The following RBM34 variants were observed in gnomAD, a reference collection of about 807,000 sequenced individuals.
The protein encoded by RBM34 is RNA binding motif protein 34, also known as RNA-binding protein 34.
Under a neutral mutation model 44.6 loss-of-function variants are expected in RBM34, and 39 were observed. The observed-to-expected ratio is 0.87, with a 90% CI of 0.68 to 1.14. RBM34 has a LOEUF of 1.14. Among genes scored for constraint, RBM34 ranks in the 50% most tolerant of loss-of-function variants. The pLI is 0.00. For missense variants in RBM34, 572 were observed against 517.9 expected (o/e 1.10, Z -1.01); for synonymous variants, 194 against 184.0 (o/e 1.05, Z -0.44).
At chr1:235,148,250 C>T (rs1661993501) in intron 6 of RBM34, among the ~76,000 whole-genome samples, 154 bp downstream of exon 6, 1 of 152,092 alleles carries the variant, frequency 6.6e-6, no homozygotes, top group Non-Finnish European at 1.5e-5. Context: ...CGTGACAAAT[C>T]TAAAGGCTCT....
chr1:235,158,520 A>G (rs1284926314), intron 3 of RBM34, among the ~76,000 whole-genome samples: 1 of 151,692 alleles, frequency 6.6e-6, no homozygotes, highest in Non-Finnish European at 1.5e-5. Flanking sequence ...TATGTGGTAC[A>G]CACAGCACCC....
chr1:235,159,020 C>A (rs1662573243), intron 3 of RBM34, among the ~76,000 whole-genome samples: 1 of 151,006 alleles, frequency 6.6e-6, no homozygotes, highest in Non-Finnish European at 1.5e-5. Context: ...TGCGACCAGC[C>A]TGGGCAACAT....
At chr1:235,150,295 G>C (rs892193762) in intron 5 of RBM34, among the ~76,000 whole-genome samples, 1 of 152,096 alleles carries the variant, frequency 6.6e-6, no homozygotes. Context: ...GGCTGGTCTC[G>C]AACTTCTGAA....
At chr1:235,134,813 C>T (rs568425478) in intron 10 of RBM34, among the ~76,000 whole-genome samples, 1 of 150,480 alleles carries the variant, frequency 6.6e-6, no homozygotes, top group Non-Finnish European at 1.5e-5. Context: ...GGAGCAATCT[C>T]GGCTCACCGC....
At chr1:235,135,537 T>A in intron 10 of RBM34, 115 bp downstream of exon 10, 1 of 965,890 alleles carries the variant, frequency 1.0e-6, no homozygotes, top group Non-Finnish European at 1.6e-6. Flanking sequence ...CCCAGTTTTC[T>A]TAAGATGGAA....
intron 6 of RBM34, among the ~76,000 whole-genome samples, chr1:235,143,050 C>T (rs1661752386): frequency 6.6e-6 from 1 of 151,712 alleles, no homozygotes; most frequent in African/African-American, 2.4e-5. Context: ...TCCTTACAAC[C>T]ATATAAAAAT....
chr1:235,142,429 C>T (rs1661726919), intron 6 of RBM34, among the ~76,000 whole-genome samples: 1 of 151,992 alleles, frequency 6.6e-6, no homozygotes, highest in Admixed American at 6.6e-5. Context: ...CAGGCGCACG[C>T]CACCACTCCT....
intron 6 of RBM34, among the ~76,000 whole-genome samples, chr1:235,147,899 A>G (rs1212580069): frequency 6.6e-6 from 1 of 152,226 alleles, no homozygotes; most frequent in Admixed American, 6.5e-5. Flanking sequence ...GGAAGGGCGA[A>G]CAAGGAGACT....
At position 235,160,893 on chromosome 1, in the gene RBM34, T is replaced by C. The variant is rs923116138; in HGVS notation, c.228A>G (p.Lys76=). Residue 76 remains lysine, a splice_region_variant and synonymous_variant, in exon 2 of 11, where the codon AAA becomes AAG. Transcript: ENST00000408888. ...QIQPVYVPVP[K]QTIKKTKRNE... ...TCGGGAAGAAAGCCCAGTGACTTAC[T>C]TTAGGCACAGGCACGTACACGGGTT... The C allele has an allele frequency of 8.7e-6, 14 of 1,613,668 alleles. No homozygotes were observed. The highest frequency in any genetic ancestry group is 1.2e-5 in the Non-Finnish European group (14 of 1,179,848).
At position 235,138,134 on chromosome 1, in the gene RBM34, C is replaced by T; in HGVS notation, c.742G>A (p.Val248Ile). ...HPDQKNINAY[V>I]VFKEESAATQ... Reference sequence around the variant, plus strand: ...GCAGCACTCTCCTCCTTAAACACAACATAGGCATTAATATTTTTCTGATCA... The same window carrying T: ...GCAGCACTCTCCTCCTTAAACACAATATAGGCATTAATATTTTTCTGATCA... Residue 248 changes from valine (V) to isoleucine (I), a missense_variant, in exon 7 of 11, where the codon GTT (valine) becomes ATT (isoleucine). By Grantham distance (29) the Val-to-Ile change is conservative (BLOSUM62 3). Transcript: ENST00000408888. 2 of 1,605,830 alleles carry T rather than the reference C, an allele frequency of 1.2e-6. No homozygotes were observed. The highest frequency in any genetic ancestry group is 1.7e-6 in the Non-Finnish European group (2 of 1,177,268).
chr1:235,155,006 G>C lies in RBM34; in HGVS notation c.472C>G (p.Leu158Val). Residue 158 changes from leucine (L) to valine (V), a missense_variant, in exon 4 of 11, where the codon CTT becomes GTT. Transcript: ENST00000408888. The part of the protein sequence containing the change: ...PGVKVADRKI[L>V]DDTEDTVVSQ... Reference sequence around the variant, plus strand: ...ACAACTGTGTCTTCTGTGTCATCAAGTATTTTTCTATCTGCTACTTTAACA... The same window carrying C: ...ACAACTGTGTCTTCTGTGTCATCAACTATTTTTCTATCTGCTACTTTAACA... 1.2e-6 allele frequency: 2 copies of C among 1,613,960 alleles called. No homozygotes were observed. The highest frequency in any genetic ancestry group is 1.7e-6 in the Non-Finnish European group (2 of 1,179,940).
chr1:235,138,206 AAG>A (rs764161019), intron 6 of RBM34, 32 bp from the exon 7 acceptor site: 2 of 1,526,140 alleles, frequency 1.3e-6, no homozygotes, highest in Non-Finnish European at 8.9e-7. Flanking sequence ...AAAGAAAGAA[AAG>A]AGAGACAAGG....
intron 4 of RBM34, among the ~76,000 whole-genome samples, chr1:235,154,237 C>A (rs1662298544): frequency 6.9e-6 from 1 of 144,816 alleles, no homozygotes. Context: ...CAGAGCGAGA[C>A]TCTGTCTCAA....
intron 3 of RBM34, among the ~76,000 whole-genome samples, chr1:235,155,866 T>TATATAC (rs1484124143): frequency 5.0e-4 from 17 of 34,294 alleles, no homozygotes; most frequent in Admixed American, 1.1e-3. Flanking sequence ...TATATATATA[T>TATATAC]ACATATATAC....
At position 235,161,202 on chromosome 1, in the gene RBM34, G is replaced by C. The variant is rs752999355; in HGVS notation, c.25C>G (p.Arg9Gly). 8.1e-6 allele frequency: 13 copies of C among 1,610,228 alleles called. No individual in the cohort carries two copies. Among genetic ancestry groups the C allele is most frequent in the Non-Finnish European group, 1.1e-5 (13 of 1,177,928 alleles). MALEGMSK[R>G]KRKRSVQEGE... The stretch of plus-strand genomic sequence containing the variant: ...TCCTGGACACTTCTCTTTCTCTTCC[G>C]TTTGCTCATCCCTTCCAAGGCCATT... Residue 9 changes from arginine (R) to glycine (G), a missense_variant, in exon 1 of 11, where the codon CGG becomes GGG. By Grantham distance (125) the Arg-to-Gly change is moderately radical (BLOSUM62 -2). Transcript: ENST00000408888.
intron 3 of RBM34, among the ~76,000 whole-genome samples, chr1:235,155,828 T>C (rs1220395762): frequency 1.5e-3 from 24 of 15,882 alleles, no homozygotes; most frequent in African/African-American, 7.7e-3. Context: ...TATACATATA[T>C]ATATATATAT....
intron 6 of RBM34, among the ~76,000 whole-genome samples, chr1:235,143,828 C>T (rs1244099062): frequency 2.0e-5 from 3 of 152,072 alleles, no homozygotes; most frequent in African/African-American, 7.2e-5. Context: ...TACTGTCATA[C>T]AAGGGAATAC....
chr1:235,143,524 T>C (rs1342230239), intron 6 of RBM34, among the ~76,000 whole-genome samples: 1 of 152,156 alleles, frequency 6.6e-6, no homozygotes, highest in Non-Finnish European at 1.5e-5. Context: ...TCACCTGAGG[T>C]CAGGAGTTTT....
At chr1:235,149,090 G>T (rs911601163) in intron 5 of RBM34, among the ~76,000 whole-genome samples, 2 of 151,622 alleles carry the variant, frequency 1.3e-5, no homozygotes, top group South Asian at 4.2e-4. Context: ...AAAGACACAT[G>T]AAAAATGTAA....
Sources: allele counts gnomAD v4.1 joint callset (sites outside exome capture counted in the v4.1 genomes callset), GRCh38; gene constraint gnomAD v4.1.1; transcripts MANE v1.5; gene names NCBI Gene and HGNC (gene_info 2026-07-23, HGNC 2026-07-21).